The following RMND5A variants were observed in gnomAD, a reference collection of about 807,000 sequenced individuals.
The protein encoded by RMND5A is E3 ubiquitin-protein transferase RMND5A.
In RMND5A, 17 loss-of-function variants were observed where a neutral mutation model predicts 49.7. That is an observed-to-expected ratio of 0.34 (90% CI 0.23 to 0.51). The LOEUF is 0.51. Among genes scored for constraint, RMND5A ranks in the 20% least tolerant of loss-of-function variants. The pLI, the probability that RMND5A is intolerant of heterozygous loss-of-function variation, is 0.96. For missense variants in RMND5A, 255 were observed against 471.3 expected (o/e 0.54, Z 4.25); for synonymous variants, 156 against 167.7 (o/e 0.93, Z 0.54).
intron 2 of RMND5A, 37 bp from the exon 3 acceptor site, chr2:86,751,859 A>T: frequency 6.3e-7 from 1 of 1,592,122 alleles, no homozygotes; most frequent in South Asian, 1.1e-5. Flanking sequence ...GGTGAAAATA[A>T]TCTATTTATG....
chr2:86,753,392 C>G, intron 3 of RMND5A, 66 bp from the exon 4 acceptor site: 1 of 924,980 alleles, frequency 1.1e-6, no homozygotes, highest in Non-Finnish European at 1.7e-6. Context: ...CTAGAATATA[C>G]TTTTACCACT....
At position 86,726,090 on chromosome 2, in the gene RMND5A, A is replaced by C. The variant is rs182432383; in HGVS notation, c.142+5281A>C. Among the ~76,000 whole-genome samples the C allele has an allele frequency of 2.6e-5, 2 of 76,692 alleles. 1 individual carries two copies. The highest frequency in any genetic ancestry group is 1.0e-4 in the African/African-American group (2 of 19,342). The allele number at this position is 76,692 out of a possible 152,430, so 50.3% of individuals were successfully genotyped here. A position where few individuals can be genotyped will look rare whatever the true frequency, so the allele number is the denominator to read the frequency against. On this transcript the variant is annotated intron_variant, in intron 1 of 8. Transcript: ENST00000283632. ...AAAAAAAGAAACTTGTGGAGGTCACATTTTTAACTCATTGCTGTGGTATGA... is the reference window on the plus strand; with the variant it reads ...AAAAAAAGAAACTTGTGGAGGTCACCTTTTTAACTCATTGCTGTGGTATGA...
At chr2:86,767,425 C>CTTT (rs11468234) in intron 6 of RMND5A, among the ~76,000 whole-genome samples, 21 of 139,576 alleles carry the variant, frequency 1.5e-4, no homozygotes, top group Non-Finnish European at 2.5e-4. Context: ...TTTTGGCAGT[C>CTTT]TTTTTTTTTT....
rs1396735159 is a variant in RMND5A, at chr2:86,775,239, C to T, written c.*1828C>T. The T allele has an allele frequency of 6.6e-6, 1 of 151,348 alleles. No homozygotes were observed. The highest frequency in any genetic ancestry group is 1.5e-5 in the Non-Finnish European group (1 of 67,952). The allele number at this position is 151,348 out of a possible 1,614,324, so 9.4% of individuals were successfully genotyped here. A position where few individuals can be genotyped will look rare whatever the true frequency, so the allele number is the denominator to read the frequency against. On this transcript the variant is annotated 3_prime_UTR_variant, in exon 9 of 9. Transcript: ENST00000283632. The stretch of plus-strand genomic sequence containing the variant: ...GAAAGAGAAGGTAGAGAATTCCAGG[C>T]AACAGTCTGACCAAGGGTGTAAACC...
At chr2:86,752,859 A>C (rs1681659828) in intron 3 of RMND5A, among the ~76,000 whole-genome samples, 1 of 152,256 alleles carries the variant, frequency 6.6e-6, no homozygotes, top group Non-Finnish European at 1.5e-5. Context: ...TAAACAATTC[A>C]GATAAATGAT....
chr2:86,766,928 CA>C (rs1672608046), intron 6 of RMND5A, among the ~76,000 whole-genome samples: 1 of 152,058 alleles, frequency 6.6e-6, no homozygotes, highest in Non-Finnish European at 1.5e-5. Flanking sequence ...ATTTGTATGA[CA>C]AAATAGGAAA....
At chr2:86,765,466 C>CT in intron 5 of RMND5A, 1 of 363,922 alleles carries the variant, frequency 2.7e-6, no homozygotes, top group Non-Finnish European at 4.9e-6. Flanking sequence ...CCACCCCCAC[C>CT]TGGCTGTATG....
intron 6 of RMND5A, among the ~76,000 whole-genome samples, chr2:86,767,101 G>A (rs536107759): frequency 4.5e-4 from 68 of 152,060 alleles, no homozygotes; most frequent in African/African-American, 1.6e-3. Context: ...GTCTCCCTCT[G>A]TCCCCTGGCT....
rs7559028 is a variant in RMND5A, at chr2:86,759,879, C to T, written c.522-5148C>T. ...TTAGTGAGAAATAGAAAACGAATTT[C>T]GTTTTCTTTGTAATTCTTTAAGATT... On this transcript the variant is annotated intron_variant, in intron 4 of 8. Transcript: ENST00000283632. Among the ~76,000 whole-genome samples the T allele has an allele frequency of 7.9e-3, 1,200 of 152,170 alleles. 16 individuals carry two copies. The highest frequency in any genetic ancestry group is 0.027 in the African/African-American group (1,112 of 41,500).
intron 4 of RMND5A, among the ~76,000 whole-genome samples, chr2:86,761,244 G>A (rs573810016): frequency 3.9e-4 from 60 of 152,290 alleles, no homozygotes; most frequent in African/African-American, 1.3e-3. Flanking sequence ...GATCATCACA[G>A]AAGGCAACTC....
intron 1 of RMND5A, among the ~76,000 whole-genome samples, chr2:86,740,719 T>G (rs561316328): frequency 6.6e-6 from 1 of 151,038 alleles, no homozygotes; most frequent in African/African-American, 2.4e-5. Flanking sequence ...CACAGTAAAA[T>G]TTTCTTATTT....
chr2:86,771,704 T>A lies in RMND5A; in HGVS notation c.1104T>A (p.Asn368Lys). Reference sequence around the variant, plus strand: ...GAGATGCCCTGAATAAAATGTTTAATGGTAGCAAGTAAGTGTCTGACTTTT... The same window carrying A: ...GAGATGCCCTGAATAAAATGTTTAAAGGTAGCAAGTAAGTGTCTGACTTTT... ...ISRDALNKMFNGSKLKCPYCP... is the reference protein window; with the variant it reads ...ISRDALNKMFKGSKLKCPYCP... Residue 368 changes from asparagine to lysine, a missense_variant, in exon 8 of 9, where the codon AAT (asparagine) becomes AAA (lysine). By Grantham distance (94) the Asn-to-Lys change is moderately conservative (BLOSUM62 0). Transcript: ENST00000283632. 1 of 1,606,160 alleles carries A rather than the reference T, an allele frequency of 6.2e-7. No homozygotes were observed. Among genetic ancestry groups the A allele is most frequent in the Non-Finnish European group, 8.5e-7 (1 of 1,175,014 alleles).
chr2:86,746,911 G>A (rs866256985), intron 2 of RMND5A, among the ~76,000 whole-genome samples: 1 of 152,192 alleles, frequency 6.6e-6, no homozygotes, highest in East Asian at 1.9e-4. Flanking sequence ...TATAAATACC[G>A]TAAGGAGAAT....
chr2:86,761,283 G>A (rs1258010006), intron 4 of RMND5A, among the ~76,000 whole-genome samples: 2 of 152,164 alleles, frequency 1.3e-5, no homozygotes, highest in Non-Finnish European at 2.9e-5. Context: ...AAGAGGCATA[G>A]AATAGTGAAG....
At chr2:86,769,958 G>T in intron 6 of RMND5A, 65 bp from the exon 7 acceptor site, 1 of 1,121,392 alleles carries the variant, frequency 8.9e-7, no homozygotes, top group South Asian at 1.2e-5. Context: ...AGAAATTGAT[G>T]TCTCCTTGGA....
chr2:86,758,816 A>T (rs1210208349), intron 4 of RMND5A, among the ~76,000 whole-genome samples: 1 of 152,248 alleles, frequency 6.6e-6, no homozygotes, highest in East Asian at 1.9e-4. Flanking sequence ...CAGTCTCTAA[A>T]GCAAAGTTAC....
At chr2:86,759,198 A>T (rs144714202) in intron 4 of RMND5A, among the ~76,000 whole-genome samples, 2 of 152,232 alleles carry the variant, frequency 1.3e-5, no homozygotes, top group African/African-American at 4.8e-5. Flanking sequence ...GAGAACCGCT[A>T]ACTATGAAGG....
At chr2:86,751,386 A>G (rs1681630319) in intron 2 of RMND5A, among the ~76,000 whole-genome samples, 1 of 152,222 alleles carries the variant, frequency 6.6e-6, no homozygotes, top group Admixed American at 6.5e-5. Flanking sequence ...CCATGCATGT[A>G]TAGCTCAAAG....
chr2:86,765,880 G>A lies in RMND5A; in HGVS notation c.710G>A (p.Ser237Asn). Residue 237 changes from serine (S) to asparagine (N), a missense_variant, in exon 6 of 9, where the codon AGC (serine) becomes AAC (asparagine). By Grantham distance (46) the Ser-to-Asn change is conservative (BLOSUM62 1). Transcript: ENST00000283632. ...HQKDIQVLMG[S>N]LVYLRQGIEN... ...TTAGACATTCAGGTTTTGATGGGAA[G>A]CCTTGTGTACCTGAGACAAGGGATT... 6.2e-7 allele frequency: 1 copy of A among 1,613,716 alleles called. No homozygotes were observed. Among genetic ancestry groups the A allele is most frequent in the Non-Finnish European group, 8.5e-7 (1 of 1,179,872 alleles).
Sources: allele counts gnomAD v4.1 joint callset (sites outside exome capture counted in the v4.1 genomes callset), GRCh38; gene constraint gnomAD v4.1.1; transcripts MANE v1.5; gene names NCBI Gene and HGNC (gene_info 2026-07-23, HGNC 2026-07-21).